ZNF596: variants seen among roughly 807,000 people sequenced by gnomAD.
ZNF596 encodes zinc finger protein 596.
A neutral mutation model predicts 48.3 loss-of-function variants in ZNF596; 45 were observed. The observed-to-expected ratio is 0.93, with a 90% confidence interval of 0.73 to 1.19. The LOEUF (loss-of-function observed/expected upper bound fraction) is 1.19. ZNF596 is among the 50% of genes most tolerant of loss of function. The pLI, the probability that ZNF596 is intolerant of heterozygous loss-of-function variation, is 0.00. For synonymous variants in ZNF596, 270 were observed against 202.0 expected, an observed-to-expected ratio of 1.34 and a Z score of -2.85; for missense variants, 848 against 599.7, an observed-to-expected ratio of 1.41 and a Z score of -4.32.
At chr8:242,841 T>G in intron 2 of ZNF596, 46 bp from the exon 3 acceptor site, 1 of 1,422,104 alleles carries the variant, frequency 7.0e-7, no homozygotes, top group Non-Finnish European at 9.3e-7. Context: ...CACTGAACAT[T>G]GGCAGAGATA....
chr8:243,201 T>G, intron 3 of ZNF596, 188 bp downstream of exon 3: 1 of 441,054 alleles, frequency 2.3e-6, no homozygotes. Flanking sequence ...TCACTTATAT[T>G]GATTTGTCCT....
chr8:246,360 T>G lies in ZNF596; in HGVS notation c.1513T>G (p.Ter505GluextTer41). 6.3e-7 allele frequency: 1 copy of G among 1,578,116 alleles called. No homozygotes were observed. Among genetic ancestry groups the G allele is most frequent in the East Asian group, 2.2e-5 (1 of 44,698 alleles). The change falls in exon 6 of 6, where the codon TAA becomes GAA. Residue 505 changes from the stop codon to glutamate, a stop_lost. Transcript: ENST00000398612. ...TCACACTAAAAAAGCAATGAATATGTAAGAATCATCAGCTGTAGCGTTAAC... is the reference window on the plus strand; with the variant it reads ...TCACACTAAAAAAGCAATGAATATGGAAGAATCATCAGCTGTAGCGTTAAC... ...RTHTKKAMNM* is the reference protein window; with the variant it reads ...RTHTKKAMNME
At chr8:234,286 G>A (rs1206557430) in intron 1 of ZNF596, 1 of 152,258 alleles carries the variant, frequency 6.6e-6, no homozygotes, top group African/African-American at 2.4e-5. Context: ...ATGTAAGGAT[G>A]TGTGTGGACT....
intron 1 of ZNF596, among the ~76,000 whole-genome samples, chr8:235,501 A>G (rs1289492358): frequency 1.4e-4 from 22 of 152,312 alleles, no homozygotes; most frequent in Non-Finnish European, 1.5e-5. Context: ...AGATTTGGAT[A>G]AAATGACAAC....
chr8:241,262 A>AT (rs1439672172), intron 2 of ZNF596, among the ~76,000 whole-genome samples: 2 of 152,062 alleles, frequency 1.3e-5, no homozygotes, highest in Admixed American at 1.3e-4. Flanking sequence ...GCTTGAGAGT[A>AT]TATGTGGGTA....
chr8:241,327 A>T (rs1445987504), intron 2 of ZNF596, among the ~76,000 whole-genome samples: 3 of 152,178 alleles, frequency 2.0e-5, no homozygotes, highest in African/African-American at 4.8e-5. Context: ...AAGCTCAGTT[A>T]GTCTAGTGTT....
intron 2 of ZNF596, 92 bp downstream of exon 2, chr8:240,999 C>G: frequency 6.8e-7 from 1 of 1,466,448 alleles, no homozygotes; most frequent in Non-Finnish European, 9.6e-7. Context: ...GTTCTAAGTG[C>G]ACTCAAGGAT....
At chr8:232,980 C>A (rs1213604545) in intron 1 of ZNF596, 10 of 468,552 alleles carry the variant, frequency 2.1e-5, no homozygotes, top group African/African-American at 1.7e-4. Flanking sequence ...GTTTACCTTC[C>A]CGGTGTCCCA....
intron 1 of ZNF596, among the ~76,000 whole-genome samples, chr8:238,020 C>T (rs1796688723): frequency 6.6e-6 from 1 of 152,214 alleles, no homozygotes; most frequent in African/African-American, 2.4e-5. Flanking sequence ...TAAGCCATTG[C>T]TGGCCTCCTT....
intron 2 of ZNF596, among the ~76,000 whole-genome samples, chr8:241,322 CAGTT>C (rs1318125702): frequency 2.0e-5 from 3 of 152,060 alleles, no homozygotes; most frequent in African/African-American, 4.8e-5. Context: ...AAGGCAAGCT[CAGTT>C]AGTCTAGTGT....
At chr8:233,305 T>C in intron 1 of ZNF596, 1 of 323,880 alleles carries the variant, frequency 3.1e-6, no homozygotes, top group Non-Finnish European at 6.4e-6. Context: ...GAAGCCTAAT[T>C]CCCAAATTCT....
In ZNF596 at chr8:242,891, C is replaced by G. The variant is rs368685119; in HGVS notation, c.17C>G (p.Ser6Cys). The G allele has an allele frequency of 1.8e-5, 28 of 1,553,560 alleles. No homozygotes were observed. The highest frequency in any genetic ancestry group is 2.3e-5 in the Non-Finnish European group (26 of 1,142,248). Residue 6 changes from serine to cysteine, a missense_variant, in exon 3 of 6, where the codon TCC becomes TGC. Physicochemically the swap from Ser to Cys is moderately radical, Grantham distance 112. Transcript: ENST00000398612. ...AGAATGTCCATAATGTTTTAGGATT[C>G]CATGACCTTCGAGGATATCATTGTA... MPSPD[S>C]MTFEDIIVDF...
Position 240,830 on chromosome 8 carries a change from C to G in ZNF596, c.-66C>G. ...TGTTTTTGTTTTTGCTCAGATTTGT[C>G]TTCTTAGTGCTTGGATGGTGTGAGT... On this transcript the variant is annotated 5_prime_UTR_variant, in exon 2 of 6. Coordinates refer to ENST00000398612, the MANE Select transcript of ZNF596 (RefSeq NM_001042416.3). 6.2e-7 allele frequency: 1 copy of G among 1,600,356 alleles called. No individual in the cohort carries two copies. Among genetic ancestry groups the G allele is most frequent in the Non-Finnish European group, 8.6e-7 (1 of 1,167,874 alleles).
At chr8:243,505 A>G in intron 3 of ZNF596, 2 of 433,754 alleles carry the variant, frequency 4.6e-6, no homozygotes, top group South Asian at 3.5e-5. Context: ...GAAGTGAGGC[A>G]TGGCCATCAG....
chr8:244,454 C>T (rs972856418), intron 4 of ZNF596, 165 bp from the exon 5 acceptor site: 7 of 599,494 alleles, frequency 1.2e-5, no homozygotes, highest in Non-Finnish European at 2.0e-5. Context: ...CTGAAAATGT[C>T]AGTAGTCAAT....
intron 1 of ZNF596, chr8:234,888 C>G: frequency 6.6e-6 from 1 of 152,108 alleles, no homozygotes; most frequent in Non-Finnish European, 1.5e-5. Flanking sequence ...AATGCACTGT[C>G]AGATCTTTGT....
In ZNF596 at chr8:245,009, C is replaced by T. The variant is rs754746181; in HGVS notation, c.307-145C>T. ...CTACATGCAGTTAGATAATATACTA[C>T]GTTTGTATAACTGATATAGGAACAA... On this transcript the variant is annotated intron_variant, in intron 5 of 5. Coordinates refer to ENST00000398612, the MANE Select transcript of ZNF596 (RefSeq NM_001042416.3). 55 of 1,007,134 alleles carry T rather than the reference C, an allele frequency of 5.5e-5. 1 individual carries two copies. In the South Asian group the frequency reaches 7.7e-4, roughly 14 times the overall value. 62.4% of individuals were successfully genotyped at this position (1,007,134 alleles called of 1,614,324 possible). A position where few individuals can be genotyped will look rare whatever the true frequency, so the allele number is the denominator to read the frequency against.
intron 1 of ZNF596, chr8:233,138 G>A (rs1461843756): frequency 6.4e-6 from 3 of 467,964 alleles, no homozygotes; most frequent in Non-Finnish European, 1.3e-5. Flanking sequence ...GGAAGTGGAT[G>A]GGTCTGAGGA....
In ZNF596 at chr8:240,941, G is replaced by C. The variant is rs183756228; in HGVS notation, c.12+34G>C. ...GAAATTCTTCTTTCTACTGAAATTT[G>C]TACCCCTGTTACCAGCCTAAGGGCA... On this transcript the variant is annotated intron_variant, in intron 2 of 5. Transcript: ENST00000398612. 1.7e-5 allele frequency: 27 copies of C among 1,613,678 alleles called. No homozygotes were observed. The African/African-American group carries it at 3.3e-4, about 20-fold the overall frequency.
Sources: gnomAD v4.1 joint callset for allele counts (sites outside exome capture counted in the v4.1 genomes callset) on GRCh38, gnomAD v4.1.1 for gene constraint, MANE v1.5 for transcripts, NCBI Gene and HGNC (gene_info 2026-07-23, HGNC 2026-07-21) for gene names.